The following NDUFA5 variants were observed in gnomAD, a reference collection of about 807,000 sequenced individuals.
NDUFA5 encodes the protein NADH dehydrogenase [ubiquinone] 1 alpha subcomplex subunit 5.
A neutral mutation model predicts 19.8 loss-of-function variants in NDUFA5; 11 were observed. The ratio of observed to expected loss-of-function variants is 0.56; its 90% CI spans 0.35 to 0.92. The LOEUF (loss-of-function observed/expected upper bound fraction) is 0.92. Among genes scored for constraint, NDUFA5 ranks in the 40% least tolerant of loss-of-function variants. The pLI, the probability that NDUFA5 is intolerant of heterozygous loss-of-function variation, is 0.01. For missense variants in NDUFA5, 109 were observed against 134.2 expected (o/e 0.81, Z 0.93); for synonymous variants, 47 against 46.8 (o/e 1.00, Z -0.01).
the NDUFA5 span, among the ~76,000 whole-genome samples, chr7:123,571,877 G>A: frequency 6.6e-6 from 1 of 152,044 alleles, no homozygotes; most frequent in Non-Finnish European, 1.5e-5. Context: ...TGATCCTCCT[G>A]TTTCAGCCTC....
At chr7:123,589,361 T>C in the NDUFA5 span, among the ~76,000 whole-genome samples, 2 of 151,352 alleles carry the variant, frequency 1.3e-5, no homozygotes, top group African/African-American at 2.4e-5. Context: ...AGGGTACATA[T>C]GCACAATGTG....
At chr7:123,586,041 A>G in the NDUFA5 span, among the ~76,000 whole-genome samples, 1 of 151,828 alleles carries the variant, frequency 6.6e-6, no homozygotes, top group African/African-American at 2.4e-5. Context: ...ATGAATATGG[A>G]AGTGCAAATA....
Position 123,542,162 on chromosome 7 carries a change from A to C in NDUFA5, c.308T>G (p.Leu103Ter). The change falls in exon 5 of 5, where the codon TTA (leucine) becomes TGA (stop). Residue 103 changes from leucine to a stop codon, truncating the protein, a stop_gained. Coordinates refer to ENST00000355749, the MANE Select transcript of NDUFA5 (RefSeq NM_005000.5). LOFTEE classifies it high-confidence loss of function. ...KMREWKLWEP[L>*]VEEPPADQWK... ...CTGATCGGCAGGAGGCTCTTCCACTAATGGCTCCCATAGTTTCCATTCCCT... is the reference window on the plus strand; with the variant it reads ...CTGATCGGCAGGAGGCTCTTCCACTCATGGCTCCCATAGTTTCCATTCCCT... 1 of 1,612,074 alleles carries C rather than the reference A, an allele frequency of 6.2e-7. No individual in the cohort carries two copies. Among genetic ancestry groups the C allele is most frequent in the Non-Finnish European group, 8.5e-7 (1 of 1,179,174 alleles).
the NDUFA5 span, among the ~76,000 whole-genome samples, chr7:123,572,706 CTT>C: frequency 1.4e-5 from 2 of 147,818 alleles, no homozygotes; most frequent in South Asian, 4.3e-4. Flanking sequence ...CACTCTATCT[CTT>C]TTTTTTCAAT....
the NDUFA5 span, among the ~76,000 whole-genome samples, chr7:123,587,665 T>A: frequency 3.2e-4 from 49 of 151,858 alleles, no homozygotes; most frequent in African/African-American, 1.1e-3. Flanking sequence ...GTATGTTCAC[T>A]GTAAGCTTGC....
At chr7:123,558,093 A>G (rs1798631600), upstream of NDUFA5, 6 of 521,960 alleles carry the variant, frequency 1.1e-5, no homozygotes, top group Admixed American at 1.3e-4. Flanking sequence ...TGAGGGAAAC[A>G]CTCCCAACTA....
chr7:123,570,828 C>G, the NDUFA5 span, among the ~76,000 whole-genome samples: 1 of 152,144 alleles, frequency 6.6e-6, no homozygotes, highest in Non-Finnish European at 1.5e-5. Context: ...AGTTCTTTTT[C>G]TAACAAATTT....
intron 3 of NDUFA5, 89 bp downstream of exon 3, chr7:123,550,381 G>T (rs1310869346): frequency 2.6e-6 from 2 of 757,028 alleles, no homozygotes; most frequent in South Asian, 3.0e-5. Context: ...GAGAATAGAA[G>T]AAAAGTGTGT....
rs1797922417 is a variant in NDUFA5 at position 123,540,931 on chromosome 7, C to A, written c.*1188G>T. 6.6e-6 allele frequency: 1 copy of A among 150,930 alleles called. No individual in the cohort carries two copies. The highest frequency in any genetic ancestry group is 1.5e-5 in the Non-Finnish European group (1 of 67,916). The allele number at this position is 150,930 out of a possible 1,614,324, so 9.3% of individuals were successfully genotyped here. ...ACACACACACACACACACACACACA[C>A]ACACGTATACACAAAACCCCACAAG... On this transcript the variant is annotated 3_prime_UTR_variant, in exon 5 of 5. Transcript: ENST00000355749.
chr7:123,548,775 C>A (rs1798226847), intron 3 of NDUFA5, among the ~76,000 whole-genome samples: 1 of 152,106 alleles, frequency 6.6e-6, no homozygotes, highest in Non-Finnish European at 1.5e-5. Context: ...AAGCAAGCTT[C>A]ATACAACCAG....
chr7:123,569,089 A>C, the NDUFA5 span, among the ~76,000 whole-genome samples: 1 of 152,328 alleles, frequency 6.6e-6, no homozygotes, highest in Admixed American at 6.5e-5. Flanking sequence ...AGTCTATTGA[A>C]GTTTAGTCTG....
chr7:123,599,275 A>G, the NDUFA5 span, among the ~76,000 whole-genome samples: 1 of 152,208 alleles, frequency 6.6e-6, no homozygotes, highest in Non-Finnish European at 1.5e-5. Context: ...AACACACAAA[A>G]CAAACAAAAA....
At chr7:123,586,066 T>C in the NDUFA5 span, among the ~76,000 whole-genome samples, 15 of 152,036 alleles carry the variant, frequency 9.9e-5, no homozygotes, top group East Asian at 2.7e-3. Flanking sequence ...TTTGAGATAC[T>C]GATTTCAATT....
At chr7:123,579,029 A>G in the NDUFA5 span, among the ~76,000 whole-genome samples, 1 of 152,062 alleles carries the variant, frequency 6.6e-6, no homozygotes, top group African/African-American at 2.4e-5. Flanking sequence ...TAGTACTAAT[A>G]GGTGGTTTTT....
the NDUFA5 span, among the ~76,000 whole-genome samples, chr7:123,592,129 G>A: frequency 1.3e-5 from 2 of 152,176 alleles, no homozygotes; most frequent in Non-Finnish European, 2.9e-5. Flanking sequence ...TATTTCTGTG[G>A]GATCAGTGGT....
chr7:123,575,892 G>GC, the NDUFA5 span, among the ~76,000 whole-genome samples: 2 of 148,052 alleles, frequency 1.4e-5, no homozygotes, highest in Admixed American at 6.7e-5. Flanking sequence ...CTTTTCCCTG[G>GC]CATGCATAGT....
chr7:123,564,572 A>G, the NDUFA5 span, among the ~76,000 whole-genome samples: 1 of 152,166 alleles, frequency 6.6e-6, no homozygotes, highest in Non-Finnish European at 1.5e-5. Flanking sequence ...GGAGATATAT[A>G]TAAAATACCC....
the NDUFA5 span, among the ~76,000 whole-genome samples, chr7:123,582,858 A>G: frequency 6.6e-6 from 1 of 152,068 alleles, no homozygotes; most frequent in Non-Finnish European, 1.5e-5. Context: ...ATACTTGGCA[A>G]ATAAATGAAT....
chr7:123,557,667 C>G (rs1366718474), intron 1 of NDUFA5, 108 bp downstream of exon 1: 1 of 1,614,020 alleles, frequency 6.2e-7, no homozygotes, highest in Admixed American at 1.7e-5. Flanking sequence ...CCCCGAAAAG[C>G]ACCGCCGAGC....
Sources: gnomAD v4.1 joint callset for allele counts (sites outside exome capture counted in the v4.1 genomes callset) on GRCh38, gnomAD v4.1.1 for gene constraint, MANE v1.5 for transcripts, NCBI Gene and HGNC (gene_info 2026-07-23, HGNC 2026-07-21) for gene names.